Variants in COA8 observed in about 807,000 individuals in gnomAD.
COA8 encodes the protein UPF0671 protein C14orf153.
A neutral mutation model predicts 22.0 loss-of-function variants in COA8; 20 were observed. The ratio of observed to expected loss-of-function variants is 0.91; its 90% CI spans 0.64 to 1.32. The LOEUF (loss-of-function observed/expected upper bound fraction) is 1.32, where lower values mean the gene tolerates loss of function less well. COA8 is among the 40% of genes most tolerant of loss of function. The pLI is 0.00. For missense variants in COA8, 266 were observed against 230.0 expected (o/e 1.16, Z -1.01); for synonymous variants, 105 against 79.9 (o/e 1.31, Z -1.68).
intron 1 of COA8, 137 bp from the exon 2 acceptor site, chr14:103,571,486 T>G: frequency 3.7e-6 from 3 of 816,178 alleles, no homozygotes; most frequent in Non-Finnish European, 5.7e-6. Flanking sequence ...GCACTTTGGC[T>G]GAGATCACGC....
In COA8 at chr14:103,571,662, T is replaced by G; in HGVS notation, c.163T>G (p.Trp55Gly). ...FCPPRKSCHDWIGPPDKYSNL... is the reference protein window; with the variant it reads ...FCPPRKSCHDGIGPPDKYSNL... ...CCCTCCAAGAAAGTCTTGCCATGATTGGATAGGACCCCCAGATAAATATTC... is the reference window on the plus strand; with the variant it reads ...CCCTCCAAGAAAGTCTTGCCATGATGGGATAGGACCCCCAGATAAATATTC... The change falls in exon 2 of 5, where the codon TGG becomes GGG. Residue 55 changes from tryptophan to glycine, a missense_variant. Physicochemically the swap from Trp to Gly is radical, Grantham distance 184. Coordinates refer to ENST00000409074, the MANE Select transcript of COA8 (RefSeq NM_001370595.2). 1 of 1,614,258 alleles carries G rather than the reference T, an allele frequency of 6.2e-7. No individual in the cohort carries two copies. Among genetic ancestry groups the G allele is most frequent in the Non-Finnish European group, 8.5e-7 (1 of 1,180,038 alleles).
intron 4 of COA8, among the ~76,000 whole-genome samples, chr14:103,589,063 T>C (rs1482118338): frequency 6.6e-6 from 1 of 152,186 alleles, no homozygotes; most frequent in East Asian, 1.9e-4. Context: ...ATGTTTTCTC[T>C]GTGGCACTCG....
At chr14:103,588,561 G>A (rs1402664489) in intron 4 of COA8, among the ~76,000 whole-genome samples, 3 of 151,532 alleles carry the variant, frequency 2.0e-5, no homozygotes. Context: ...ATGTCGACAT[G>A]GGCCAGGCAC....
rs73361345 is a variant in COA8, at chr14:103,574,295, A to G, written c.385+125A>G. ...GGCGGTCCTTGGCCTGCTTTGGGGC[A>G]GTGCTCGGCACACCCCTGTCCAAGT... is the stretch of plus-strand genomic sequence containing the variant. On this transcript the variant is annotated intron_variant, in intron 3 of 4. Transcript: ENST00000409074. The G allele has an allele frequency of 5.4e-3, 7,065 of 1,297,374 alleles. 298 individuals carry two copies. In the African/African-American group the frequency reaches 0.089, roughly 16 times the overall value. 80.4% of individuals were successfully genotyped at this position (1,297,374 alleles called of 1,614,324 possible). A position where few individuals can be genotyped will look rare whatever the true frequency, so the allele number is the denominator to read the frequency against.
chr14:103,586,572 ATCT>A (rs1401923401), intron 3 of COA8, among the ~76,000 whole-genome samples: 2 of 149,996 alleles, frequency 1.3e-5, no homozygotes, highest in East Asian at 2.0e-4. Context: ...CTATCTCTTG[ATCT>A]TCTGATCGGC....
chr14:103,579,165 AT>A (rs1472828229), intron 3 of COA8, among the ~76,000 whole-genome samples: 1 of 152,076 alleles, frequency 6.6e-6, no homozygotes, highest in Non-Finnish European at 1.5e-5. Flanking sequence ...GGCCCTCTTT[AT>A]CCGAGGGATA....
At chr14:103,570,655 C>T (rs1053032782) in intron 1 of COA8, among the ~76,000 whole-genome samples, 13 of 152,146 alleles carry the variant, frequency 8.5e-5, no homozygotes, top group Non-Finnish European at 1.3e-4. Flanking sequence ...ATCGCTTGAA[C>T]CCGGGAGGCG....
intron 3 of COA8, among the ~76,000 whole-genome samples, chr14:103,585,603 GTC>G (rs2076300320): frequency 8.2e-6 from 1 of 121,840 alleles, no homozygotes; most frequent in Admixed American, 9.5e-5. Flanking sequence ...TTGAAACAGA[GTC>G]TCGCTCTGTC....
At chr14:103,585,760 G>A (rs2076302100) in intron 3 of COA8, among the ~76,000 whole-genome samples, 1 of 151,706 alleles carries the variant, frequency 6.6e-6, no homozygotes, top group Admixed American at 6.6e-5. Flanking sequence ...ACTTTTAGTA[G>A]AGACGGGGTT....
At chr14:103,568,035 C>T (rs1433962526) in intron 1 of COA8, among the ~76,000 whole-genome samples, 1 of 152,112 alleles carries the variant, frequency 6.6e-6, no homozygotes, top group African/African-American at 2.4e-5. Context: ...GCTGGGGACC[C>T]TAACCCTCAG....
intron 4 of COA8, 26 bp from the exon 5 acceptor site, chr14:103,590,155 C>T (rs765409002): frequency 1.6e-5 from 25 of 1,601,030 alleles, no homozygotes; most frequent in South Asian, 3.3e-5. Context: ...CACCGTGTCA[C>T]CTGTGCATCC....
chr14:103,567,450 G>A (rs949082827), intron 1 of COA8: 1 of 151,862 alleles, frequency 6.6e-6, no homozygotes, highest in African/African-American at 2.4e-5. Context: ...TTTATCTGAG[G>A]TGTGATTATT....
chr14:103,563,158 G>C (rs542120354), intron 1 of COA8, 34 bp downstream of exon 1: 3 of 1,539,402 alleles, frequency 1.9e-6, no homozygotes, highest in East Asian at 4.8e-5. Context: ...GGGCCGGGAG[G>C]GGTGACCGGA....
At chr14:103,588,483 ATATAT>A (rs2076327776) in intron 4 of COA8, among the ~76,000 whole-genome samples, 2 of 103,068 alleles carry the variant, frequency 1.9e-5, no homozygotes, top group Admixed American at 1.8e-4. Context: ...TTAAAAAAAT[ATATAT>A]ATATATATAA....
chr14:103,570,363 C>T (rs1202871889), intron 1 of COA8, among the ~76,000 whole-genome samples: 1 of 152,178 alleles, frequency 6.6e-6, no homozygotes. Context: ...GGTCCCCCCA[C>T]TATAACTCCC....
chr14:103,587,507 TC>T, intron 4 of COA8, 143 bp downstream of exon 4: 3 of 485,908 alleles, frequency 6.2e-6, no homozygotes, highest in Middle Eastern at 6.1e-4. Flanking sequence ...TTTCTTTTTT[TC>T]TTTTTTTTTT....
chr14:103,564,976 G>C (rs2076125489), intron 1 of COA8, among the ~76,000 whole-genome samples: 1 of 151,878 alleles, frequency 6.6e-6, no homozygotes, highest in Non-Finnish European at 1.5e-5. Context: ...TTTTCGAGAT[G>C]GAGTTTTTGC....
intron 4 of COA8, among the ~76,000 whole-genome samples, chr14:103,589,826 A>T (rs1440298116): frequency 1.3e-5 from 2 of 151,646 alleles, no homozygotes; most frequent in Non-Finnish European, 2.9e-5. Context: ...AGGCAGGAGA[A>T]TGGCGCGAAC....
At chr14:103,563,657 A>G (rs73361331) in intron 1 of COA8, among the ~76,000 whole-genome samples, 3,874 of 152,254 alleles carry the variant, frequency 0.025, 168 homozygotes, top group African/African-American at 0.088. Context: ...GTGGCAAGCA[A>G]TTTTTATAAG....
Sources: gnomAD v4.1 joint callset for allele counts (sites outside exome capture counted in the v4.1 genomes callset) on GRCh38, gnomAD v4.1.1 for gene constraint, MANE v1.5 for transcripts, NCBI Gene and HGNC (gene_info 2026-07-23, HGNC 2026-07-21) for gene names.